WSCD1: variants seen among roughly 807,000 people sequenced by gnomAD.
The protein encoded by WSCD1 is WSC domain sialate O sulfotransferase 1, also known as sialate:O-sulfotransferase 1.
WSCD1 carries 41 observed loss-of-function variants against 60.4 expected under a neutral mutation model. That is an observed-to-expected ratio of 0.68 (90% confidence interval 0.53 to 0.88). The LOEUF (loss-of-function observed/expected upper bound fraction) is 0.88, where lower values mean the gene tolerates loss of function less well. WSCD1 is among the 40% of genes least tolerant of loss of function. The pLI, the probability that WSCD1 is intolerant of heterozygous loss-of-function variation, is 0.00. For missense variants in WSCD1, 784 were observed against 796.2 expected, an observed-to-expected ratio of 0.98 and a Z score of 0.18; for synonymous variants, 361 against 332.5, an observed-to-expected ratio of 1.09 and a Z score of -0.93.
In WSCD1 at chr17:6,083,735, C is replaced by T. The variant is rs148006859; in HGVS notation, c.427+2650C>T. Among the ~76,000 whole-genome samples, 964 of 152,192 alleles carry T rather than the reference C, an allele frequency of 6.3e-3. 12 individuals carry two copies. Among genetic ancestry groups the T allele is most frequent in the African/African-American group, 0.022 (909 of 41,514 alleles). ...CAGAGGTTGCAGTGAGCCGAGATCGCGCCACTGCACTCCAGCCTGGGCGAC... is the reference window on the plus strand; with the variant it reads ...CAGAGGTTGCAGTGAGCCGAGATCGTGCCACTGCACTCCAGCCTGGGCGAC... On this transcript the variant is annotated intron_variant, in intron 2 of 8. Transcript: ENST00000317744.
intron 5 of WSCD1, 146 bp downstream of exon 5, chr17:6,095,369 AC>A: frequency 8.6e-7 from 1 of 1,158,210 alleles, no homozygotes; most frequent in Non-Finnish European, 1.2e-6. Context: ...GGAGGCAGGC[AC>A]CAGGTACCAC....
chr17:6,078,650 A>G (rs1361362968), intron 1 of WSCD1, among the ~76,000 whole-genome samples: 1 of 152,022 alleles, frequency 6.6e-6, no homozygotes, highest in African/African-American at 2.4e-5. Context: ...CTGGCAAGAG[A>G]TGAGGCTGGA....
intron 5 of WSCD1, among the ~76,000 whole-genome samples, chr17:6,096,940 G>A (rs769222436): frequency 2.0e-5 from 3 of 152,264 alleles, no homozygotes; most frequent in Admixed American, 6.5e-5. Context: ...CCTTCCTGCG[G>A]GGGGTTATCT....
chr17:6,109,177 C>T (rs78462621), intron 5 of WSCD1, among the ~76,000 whole-genome samples: 2 of 152,176 alleles, frequency 1.3e-5, no homozygotes, highest in African/African-American at 2.4e-5. Context: ...CTGCCCCGCT[C>T]TGTGCCATGC....
intron 1 of WSCD1, among the ~76,000 whole-genome samples, chr17:6,073,503 G>A (rs931980215): frequency 1.2e-4 from 19 of 152,164 alleles, no homozygotes; most frequent in Non-Finnish European, 2.1e-4. Context: ...GGTGGTGTGT[G>A]CCTGTAATCC....
chr17:6,116,680 T>G (rs1331535945), intron 7 of WSCD1, among the ~76,000 whole-genome samples: 1 of 152,268 alleles, frequency 6.6e-6, no homozygotes, highest in African/African-American at 2.4e-5. Context: ...ATGGCAGAGA[T>G]AAGTTTGAAG....
chr17:6,119,635 C>A (rs1244359672), intron 8 of WSCD1, among the ~76,000 whole-genome samples: 1 of 152,150 alleles, frequency 6.6e-6, no homozygotes, highest in African/African-American at 2.4e-5. Context: ...GCAGGCTGAT[C>A]TCTGACGCCT....
intron 1 of WSCD1, among the ~76,000 whole-genome samples, chr17:6,071,443 G>C (rs1908539736): frequency 6.6e-6 from 1 of 152,184 alleles, no homozygotes; most frequent in South Asian, 2.1e-4. Flanking sequence ...GCTCATATAG[G>C]AGTTCTAGCC....
At chr17:6,071,407 TCTTC>T (rs1908537615) in intron 1 of WSCD1, among the ~76,000 whole-genome samples, 1 of 152,142 alleles carries the variant, frequency 6.6e-6, no homozygotes, top group Non-Finnish European at 1.5e-5. Context: ...AGGGGACCGC[TCTTC>T]CTTCCGCTGA....
At chr17:6,097,282 A>C (rs1316172003) in intron 5 of WSCD1, among the ~76,000 whole-genome samples, 1 of 152,280 alleles carries the variant, frequency 6.6e-6, no homozygotes, top group African/African-American at 2.4e-5. Flanking sequence ...GTTTCGGACT[A>C]GTTTTAAATA....
intron 1 of WSCD1, among the ~76,000 whole-genome samples, chr17:6,076,284 G>C (rs1166365684): frequency 6.6e-6 from 1 of 152,158 alleles, no homozygotes; most frequent in East Asian, 1.9e-4. Flanking sequence ...GATGGTGCAG[G>C]TAAAGTGCAC....
In WSCD1 at chr17:6,121,581, G is replaced by A. The variant is rs909675307; in HGVS notation, c.*920G>A. The A allele has an allele frequency of 6.6e-6, 1 of 152,408 alleles. No homozygotes were observed. 9.4% of individuals were successfully genotyped at this position (152,408 alleles called of 1,614,324 possible). On this transcript the variant is annotated 3_prime_UTR_variant, in exon 9 of 9. Coordinates refer to ENST00000317744, the MANE Select transcript of WSCD1 (RefSeq NM_015253.2). ...CATGGGGGCGTGGGGAAGAGGGCAGGAGCTGAAGTTCCAGGGGAGCCCAGG... is the reference window on the plus strand; with the variant it reads ...CATGGGGGCGTGGGGAAGAGGGCAGAAGCTGAAGTTCCAGGGGAGCCCAGG...
At chr17:6,109,224 C>G (rs1911266762) in intron 5 of WSCD1, among the ~76,000 whole-genome samples, 1 of 152,170 alleles carries the variant, frequency 6.6e-6, no homozygotes, top group Non-Finnish European at 1.5e-5. Context: ...GCCCAGAGTG[C>G]CATTTCTATC....
At chr17:6,109,870 T>C in intron 6 of WSCD1, 104 bp downstream of exon 6, 4 of 1,436,734 alleles carry the variant, frequency 2.8e-6, no homozygotes, top group Non-Finnish European at 3.8e-6. Flanking sequence ...AGTTATGAGG[T>C]ATGGCATGTG....
intron 1 of WSCD1, among the ~76,000 whole-genome samples, chr17:6,078,694 T>C (rs1287190571): frequency 6.6e-6 from 1 of 152,056 alleles, no homozygotes; most frequent in East Asian, 1.9e-4. Context: ...TTGTGTGTCA[T>C]GCTAAGGAGC....
chr17:6,099,408 A>G (rs778092856), intron 5 of WSCD1, among the ~76,000 whole-genome samples: 6 of 152,006 alleles, frequency 3.9e-5, no homozygotes, highest in Non-Finnish European at 5.9e-5. Context: ...CTAGCTACTC[A>G]GGAGACTGAG....
In WSCD1 at chr17:6,118,622, C is replaced by T. The variant is rs1370552864; in HGVS notation, c.1375+434C>T. On this transcript the variant is annotated intron_variant, in intron 8 of 8. Coordinates refer to ENST00000317744, the MANE Select transcript of WSCD1 (RefSeq NM_015253.2). The surrounding 1 kb of genome is among the most constrained non-coding windows in gnomAD (Gnocchi z 5.8). ...CCTCTTTTATAGAATGAGACCTGCACCTTGTGGGGCATTCAGGGAGCAGTG... is the reference window on the plus strand; with the variant it reads ...CCTCTTTTATAGAATGAGACCTGCATCTTGTGGGGCATTCAGGGAGCAGTG... 6.6e-6 allele frequency among the ~76,000 whole-genome samples: 1 copy of T among 152,184 alleles called. No homozygotes were observed. The highest frequency in any genetic ancestry group is 1.5e-5 in the Non-Finnish European group (1 of 68,042).
intron 3 of WSCD1, among the ~76,000 whole-genome samples, 191 bp from the exon 4 acceptor site, chr17:6,090,130 C>T (rs552411332): frequency 2.3e-4 from 35 of 152,268 alleles, no homozygotes; most frequent in African/African-American, 6.7e-4. Context: ...AAGGTCCTTA[C>T]GGCACATGTA....
At chr17:6,120,117 A>G (rs1230786408) in intron 8 of WSCD1, among the ~76,000 whole-genome samples, 192 bp from the exon 9 acceptor site, 1 of 152,216 alleles carries the variant, frequency 6.6e-6, no homozygotes, top group East Asian at 1.9e-4. Context: ...GGATGCCCAG[A>G]GCTGCCCCCA....
Sources: allele counts gnomAD v4.1 joint callset (sites outside exome capture counted in the v4.1 genomes callset), GRCh38; gene constraint gnomAD v4.1.1; non-coding constraint Gnocchi (gnomAD v3.1); transcripts MANE v1.5; gene names NCBI Gene and HGNC (gene_info 2026-07-23, HGNC 2026-07-21).